Variants in HCRTR2 observed in about 807,000 individuals in gnomAD.
The protein encoded by HCRTR2 is orexin receptor type 2.
In HCRTR2, 22 loss-of-function variants were observed where a neutral mutation model predicts 49.0. That is an observed-to-expected ratio of 0.45 (90% CI 0.32 to 0.64). HCRTR2 has a LOEUF of 0.64. Ranked by LOEUF, HCRTR2 falls within the 30% of genes least tolerant of loss-of-function variation. The probability of loss-of-function intolerance (pLI) is 0.04; values close to 1 mark genes in which losing one functional copy is unlikely to be tolerated. For missense variants in HCRTR2, 491 were observed against 559.4 expected (o/e 0.88, Z 1.23); for synonymous variants, 236 against 205.3 (o/e 1.15, Z -1.28).
At chr6:55,277,161 G>GTT (rs1414881312) in intron 4 of HCRTR2, among the ~76,000 whole-genome samples, 2 of 152,124 alleles carry the variant, frequency 1.3e-5, no homozygotes, top group East Asian at 3.8e-4. Flanking sequence ...AAATTTTGAT[G>GTT]TTTTAACTTT....
intron 5 of HCRTR2, 60 bp downstream of exon 5, chr6:55,277,660 C>A: frequency 4.3e-6 from 4 of 933,420 alleles, no homozygotes; most frequent in Non-Finnish European, 6.4e-6. Flanking sequence ...TCTTAATTAA[C>A]TTTTTTTTTT....
At chr6:55,192,083 T>C (rs1173787822) in intron 1 of HCRTR2, among the ~76,000 whole-genome samples, 1 of 152,140 alleles carries the variant, frequency 6.6e-6, no homozygotes, top group Non-Finnish European at 1.5e-5. Context: ...TCATTGCAAA[T>C]ATATCTTATA....
intron 2 of HCRTR2, among the ~76,000 whole-genome samples, chr6:55,254,236 TA>T (rs71724975): frequency 0.33 from 50,551 of 151,050 alleles, 9,002 homozygotes; most frequent in African/African-American, 0.46. Flanking sequence ...TAACAATCTG[TA>T]AAAAAAAATG....
intron 1 of HCRTR2, among the ~76,000 whole-genome samples, chr6:55,209,446 T>C (rs1765659339): frequency 6.6e-6 from 1 of 152,204 alleles, no homozygotes; most frequent in South Asian, 2.1e-4. Flanking sequence ...TTTTTCCCCA[T>C]AAGCTGATCT....
chr6:55,284,350 C>A (rs766092539), downstream of HCRTR2, among the ~76,000 whole-genome samples: 4 of 152,094 alleles, frequency 2.6e-5, no homozygotes, highest in Non-Finnish European at 4.4e-5. Flanking sequence ...TCTATACCAT[C>A]GGCATCAGCA....
chr6:55,147,957 G>GT (rs1764616859), intron 1 of HCRTR2, among the ~76,000 whole-genome samples: 2 of 147,790 alleles, frequency 1.4e-5, no homozygotes, highest in Non-Finnish European at 3.1e-5. Context: ...GTTTCCAATG[G>GT]GAAAGGTGTT....
chr6:55,214,111 G>A (rs545973781), intron 1 of HCRTR2, among the ~76,000 whole-genome samples: 4 of 152,124 alleles, frequency 2.6e-5, no homozygotes, highest in African/African-American at 9.6e-5. Flanking sequence ...GAAGAACTGT[G>A]GTACCACAGA....
At chr6:55,111,561 A>G (rs1342163704) in intron 1 of HCRTR2, among the ~76,000 whole-genome samples, 3 of 152,042 alleles carry the variant, frequency 2.0e-5, no homozygotes, top group African/African-American at 7.2e-5. Context: ...GGAGATGGAT[A>G]AGTTCCTGGA....
intron 1 of HCRTR2, among the ~76,000 whole-genome samples, chr6:55,192,855 G>A (rs989471658): frequency 3.3e-5 from 5 of 152,278 alleles, no homozygotes; most frequent in African/African-American, 7.2e-5. Flanking sequence ...GCATGAGTAT[G>A]AGGAAACAGT....
chr6:55,175,075 G>T (rs1418540222), intron 1 of HCRTR2, among the ~76,000 whole-genome samples: 5 of 152,098 alleles, frequency 3.3e-5, no homozygotes, highest in South Asian at 2.1e-4. Flanking sequence ...GATTACAAGC[G>T]CAGGGAGAGG....
chr6:55,240,744 C>T (rs969530720), intron 1 of HCRTR2: 2 of 390,506 alleles, frequency 5.1e-6, no homozygotes, highest in African/African-American at 4.2e-5. Context: ...TTCCCAGGTT[C>T]TTAAGTCTGG....
intron 1 of HCRTR2, among the ~76,000 whole-genome samples, chr6:55,229,636 G>T (rs913978230): frequency 2.0e-5 from 3 of 152,220 alleles, no homozygotes; most frequent in African/African-American, 7.2e-5. Flanking sequence ...GCCAGGTATA[G>T]AAGGACAATT....
chr6:55,220,879 C>A (rs1489470111), intron 1 of HCRTR2, among the ~76,000 whole-genome samples: 1 of 151,912 alleles, frequency 6.6e-6, no homozygotes, highest in Non-Finnish European at 1.5e-5. Flanking sequence ...AATCGAAATG[C>A]AAAAATCAGT....
At chr6:55,178,683 A>G (rs1047687260) in intron 1 of HCRTR2, among the ~76,000 whole-genome samples, 1 of 151,928 alleles carries the variant, frequency 6.6e-6, no homozygotes, top group Non-Finnish European at 1.5e-5. Flanking sequence ...TTAATTGCAT[A>G]TTTTCCTAAA....
At chr6:55,126,082 GT>G (rs1561979651) in intron 1 of HCRTR2, among the ~76,000 whole-genome samples, 1 of 152,104 alleles carries the variant, frequency 6.6e-6, no homozygotes, top group Admixed American at 6.6e-5. Context: ...GCTTAGAGGA[GT>G]TTGTTATTAC....
chr6:55,278,727 AATTATTATT>A (rs201178077), intron 5 of HCRTR2, among the ~76,000 whole-genome samples: 9 of 144,690 alleles, frequency 6.2e-5, no homozygotes, highest in East Asian at 2.1e-4. Context: ...GCTTCTTATT[AATTATTATT>A]ATTATTATTA....
intron 1 of HCRTR2, among the ~76,000 whole-genome samples, chr6:55,175,686 T>A (rs1765027881): frequency 6.6e-6 from 1 of 151,586 alleles, no homozygotes; most frequent in African/African-American, 2.4e-5. Context: ...CTCATCCCCC[T>A]CCCCCTAAAC....
chr6:55,209,925 CG>C (rs1765668399), intron 1 of HCRTR2, among the ~76,000 whole-genome samples: 1 of 151,958 alleles, frequency 6.6e-6, no homozygotes, highest in African/African-American at 2.4e-5. Context: ...ACAATGTATT[CG>C]GTTAGAACAA....
intron 1 of HCRTR2, among the ~76,000 whole-genome samples, chr6:55,198,796 T>G (rs1765462030): frequency 6.6e-6 from 1 of 152,178 alleles, no homozygotes; most frequent in Admixed American, 6.5e-5. Flanking sequence ...AATTCAGTAC[T>G]GAGTTTCACA....
Sources: gnomAD v4.1 joint callset for allele counts (sites outside exome capture counted in the v4.1 genomes callset) on GRCh38, gnomAD v4.1.1 for gene constraint, MANE v1.5 for transcripts, NCBI Gene and HGNC (gene_info 2026-07-23, HGNC 2026-07-21) for gene names.